CEACAM5: variants seen among roughly 807,000 people sequenced by gnomAD.
CEACAM5 encodes the protein cell adhesion molecule CEACAM5.
In CEACAM5, 52 loss-of-function variants were observed where a neutral mutation model predicts 63.0. The observed-to-expected ratio is 0.83, with a 90% CI of 0.66 to 1.04. The LOEUF (loss-of-function observed/expected upper bound fraction) is 1.04. Ranked by LOEUF, CEACAM5 falls within the 50% of genes least tolerant of loss-of-function variation. The probability of loss-of-function intolerance (pLI) is 0.00; values close to 1 mark genes in which losing one functional copy is unlikely to be tolerated. For synonymous variants in CEACAM5, 357 were observed against 351.3 expected (o/e 1.02, Z -0.18); for missense variants, 790 against 864.8 (o/e 0.91, Z 1.08).
chr19:41,728,786 C>CA (rs55647539), intron 9 of CEACAM5, among the ~76,000 whole-genome samples: 1,230 of 73,056 alleles, frequency 0.017, 40 homozygotes, highest in African/African-American at 0.045. Context: ...GACTCCGTCT[C>CA]AAAAAAAAAA....
At position 41,719,939 on chromosome 19, in the gene CEACAM5, C is replaced by A; in HGVS notation, c.1502C>A (p.Pro501His). Residue 501 changes from proline to histidine, a missense_variant, in exon 7 of 10, where the codon CCC becomes CAC. Pro to His is a moderately conservative substitution (Grantham distance 77). Coordinates refer to ENST00000221992, the MANE Select transcript of CEACAM5 (RefSeq NM_004363.6). Reference sequence around the variant, plus strand: ...TCTGTTATCTGCACAGCGGAGCTGCCCAAGCCCTCCATCTCCAGCAACAAC... The same window carrying A: ...TCTGTTATCTGCACAGCGGAGCTGCACAAGCCCTCCATCTCCAGCAACAAC... The part of the protein sequence containing the change: ...VKTITVSAEL[P>H]KPSISSNNSK... 1 of 1,614,190 alleles carries A rather than the reference C, an allele frequency of 6.2e-7. No individual in the cohort carries two copies.
chr19:41,715,130 A>G lies in CEACAM5; in HGVS notation c.584A>G (p.Asn195Ser), dbSNP rs2072499303. 1.9e-6 allele frequency: 3 copies of G among 1,614,072 alleles called. No homozygotes were observed. The highest frequency in any genetic ancestry group is 2.7e-5 in the African/African-American group (2 of 74,918). Reference protein sequence around the residue: ...LPVSPRLQLSNGNRTLTLFNV... With the variant: ...LPVSPRLQLSSGNRTLTLFNV... ...GTCAGTCCCAGGCTGCAGCTGTCCAATGGCAACAGGACCCTCACTCTATTC... is the reference window on the plus strand; with the variant it reads ...GTCAGTCCCAGGCTGCAGCTGTCCAGTGGCAACAGGACCCTCACTCTATTC... The change falls in exon 3 of 10, where the codon AAT becomes AGT. Residue 195 changes from asparagine to serine, a missense_variant. By Grantham distance (46) the Asn-to-Ser change is conservative. Transcript: ENST00000221992.
chr19:41,720,815 A>G (rs1600471648), intron 7 of CEACAM5, 107 bp from the exon 8 acceptor site: 2 of 1,444,248 alleles, frequency 1.4e-6, no homozygotes, highest in East Asian at 4.6e-5. Flanking sequence ...GGACTTTTTA[A>G]CACAGGATTG....
chr19:41,715,189 T>C lies in CEACAM5; in HGVS notation c.643T>C (p.Cys215Arg), dbSNP rs782093327. Residue 215 changes from cysteine to arginine, a missense_variant, in exon 3 of 10, where the codon TGT (cysteine) becomes CGT (arginine). Cys to Arg is a radical substitution (Grantham distance 180). Coordinates refer to ENST00000221992, the MANE Select transcript of CEACAM5 (RefSeq NM_004363.6). ...AAGAAATGACACAGCAAGCTACAAA[T>C]GTGAAACCCAGAACCCAGTGAGTGC... The part of the protein sequence containing the change: ...VTRNDTASYK[C>R]ETQNPVSARR... 2.5e-6 allele frequency: 4 copies of C among 1,614,180 alleles called. No individual in the cohort carries two copies. Among genetic ancestry groups the C allele is most frequent in the Non-Finnish European group, 3.4e-6 (4 of 1,180,024 alleles).
chr19:41,716,473 T>G (rs1166913254), intron 4 of CEACAM5, among the ~76,000 whole-genome samples: 1 of 152,144 alleles, frequency 6.6e-6, no homozygotes, highest in Non-Finnish European at 1.5e-5. Context: ...TGTCCTGAAT[T>G]CGGCTAAATC....
Position 41,709,911 on chromosome 19 carries a change from A to G in CEACAM5, c.296A>G (p.Glu99Gly), listed in dbSNP as rs782691295. ...CCAGGGCCCGCATACAGTGGTCGAG[A>G]GATAATATACCCCAATGCATCCCTG... ...ATPGPAYSGR[E>G]IIYPNASLLI... Residue 99 changes from glutamate (E) to glycine (G), a missense_variant, in exon 2 of 10, where the codon GAG becomes GGG. Physicochemically the swap from Glu to Gly is moderately conservative, Grantham distance 98 (BLOSUM62 -2). Coordinates refer to ENST00000221992, the MANE Select transcript of CEACAM5 (RefSeq NM_004363.6). The G allele has an allele frequency of 6.8e-6, 11 of 1,614,022 alleles. No homozygotes were observed. In the African/African-American group the frequency reaches 1.5e-4, roughly 22 times the overall value.
chr19:41,721,783 GCC>G (rs1412526135), intron 8 of CEACAM5, among the ~76,000 whole-genome samples: 26 of 152,240 alleles, frequency 1.7e-4, no homozygotes, highest in Non-Finnish European at 2.9e-4. Flanking sequence ...CCACAGCAGA[GCC>G]TCCCTTGGGT....
intron 2 of CEACAM5, 141 bp downstream of exon 2, chr19:41,710,180 C>A: frequency 8.0e-7 from 1 of 1,253,702 alleles, no homozygotes; most frequent in Non-Finnish European, 1.1e-6. Flanking sequence ...GCAGGATACA[C>A]ACAGAAGAGA....
chr19:41,727,481 C>T, intron 9 of CEACAM5, 129 bp downstream of exon 9: 5 of 653,104 alleles, frequency 7.7e-6, no homozygotes, highest in Non-Finnish European at 1.4e-5. Flanking sequence ...GCTCCTGCTT[C>T]TCAGCACTAA....
At chr19:41,728,523 G>A (rs1218176636) in intron 9 of CEACAM5, among the ~76,000 whole-genome samples, 2 of 152,120 alleles carry the variant, frequency 1.3e-5, no homozygotes, top group Non-Finnish European at 2.9e-5. Flanking sequence ...GGCTGGGCAC[G>A]GTGGCTCACG....
At chr19:41,727,671 A>G (rs1177746554) in intron 9 of CEACAM5, among the ~76,000 whole-genome samples, 1 of 152,002 alleles carries the variant, frequency 6.6e-6, no homozygotes, top group Non-Finnish European at 1.5e-5. Context: ...AACCTCAACA[A>G]CTGCTCAAAG....
intron 4 of CEACAM5, among the ~76,000 whole-genome samples, chr19:41,716,710 G>C (rs75627622): frequency 1.3e-5 from 2 of 152,196 alleles, no homozygotes; most frequent in Non-Finnish European, 2.9e-5. Flanking sequence ...GCAGGGAATG[G>C]CAGTGTCAAA....
intron 5 of CEACAM5, 117 bp downstream of exon 5, chr19:41,717,850 C>A: frequency 7.5e-7 from 1 of 1,326,858 alleles, no homozygotes; most frequent in Non-Finnish European, 1.1e-6. Context: ...CCTGGACATC[C>A]AGGCTGGCCC....
At chr19:41,717,833 T>G in intron 5 of CEACAM5, 100 bp downstream of exon 5, 1 of 1,440,892 alleles carries the variant, frequency 6.9e-7, no homozygotes. Context: ...GGACAGAGAC[T>G]TTTACCCCTG....
At chr19:41,722,447 A>G (rs918475317) in intron 8 of CEACAM5, among the ~76,000 whole-genome samples, 12 of 152,136 alleles carry the variant, frequency 7.9e-5, no homozygotes, top group Non-Finnish European at 1.3e-4. Flanking sequence ...CATTTCCAGA[A>G]CTTTTTCATC....
At chr19:41,717,360 G>C (rs565240091) in intron 4 of CEACAM5, 95 bp from the exon 5 acceptor site, 2 of 1,338,588 alleles carry the variant, frequency 1.5e-6, no homozygotes, top group Non-Finnish European at 2.1e-6. Context: ...ACTCAGTTGG[G>C]CTGAGAGGTG....
intron 6 of CEACAM5, among the ~76,000 whole-genome samples, chr19:41,719,417 C>A (rs1254649007): frequency 6.6e-6 from 1 of 152,112 alleles, no homozygotes; most frequent in African/African-American, 2.4e-5. Context: ...CACCTGTGGC[C>A]CACAGCCTGA....
At chr19:41,714,472 C>T (rs1048611079) in intron 2 of CEACAM5, among the ~76,000 whole-genome samples, 1 of 152,188 alleles carries the variant, frequency 6.6e-6, no homozygotes, top group Non-Finnish European at 1.5e-5. Context: ...CAGTCCCAGG[C>T]CAGGCTGCAC....
chr19:41,717,695 G>T lies in CEACAM5; in HGVS notation c.1199G>T (p.Ser400Ile), dbSNP rs141152395. The change falls in exon 5 of 10, where the codon AGT (serine) becomes ATT (isoleucine). Residue 400 changes from serine (S) to isoleucine (I), a missense_variant. Transcript: ENST00000221992. ...GAGTGTGGAATCCAGAACGAATTAA[G>T]TGTTGACCACAGCGACCCAGTCATC... Reference protein sequence around the residue: ...PYECGIQNELSVDHSDPVILN... With the variant: ...PYECGIQNELIVDHSDPVILN... The T allele has an allele frequency of 2.0e-5, 32 of 1,614,180 alleles. No homozygotes were observed. The African/African-American group carries it at 3.9e-4, about 19-fold the overall frequency.
Sources: gnomAD v4.1 joint callset for allele counts (sites outside exome capture counted in the v4.1 genomes callset) on GRCh38, gnomAD v4.1.1 for gene constraint, MANE v1.5 for transcripts, NCBI Gene and HGNC (gene_info 2026-07-23, HGNC 2026-07-21) for gene names.